The following VCAM1 variants were observed in gnomAD, a reference collection of about 807,000 sequenced individuals.
VCAM1 encodes vascular cell adhesion protein 1.
A neutral mutation model predicts 63.8 loss-of-function variants in VCAM1; 41 were observed. The ratio of observed to expected loss-of-function variants is 0.64; its 90% CI spans 0.50 to 0.83. The LOEUF is 0.83. Among genes scored for constraint, VCAM1 ranks in the 40% least tolerant of loss-of-function variants. The pLI, the probability that VCAM1 is intolerant of heterozygous loss-of-function variation, is 0.00. For synonymous variants in VCAM1, 338 were observed against 320.7 expected (o/e 1.05, Z -0.58); for missense variants, 798 against 875.5 (o/e 0.91, Z 1.12).
chr1:100,720,035 C>G (rs1659903253), intron 1 of VCAM1, 111 bp downstream of exon 1: 8 of 1,184,494 alleles, frequency 6.8e-6, no homozygotes, highest in Non-Finnish European at 8.4e-6. Flanking sequence ...GGATTTTAAA[C>G]AGTAGGAAAA....
intron 7 of VCAM1, among the ~76,000 whole-genome samples, chr1:100,733,241 C>T (rs1660525969): frequency 6.6e-6 from 1 of 152,128 alleles, no homozygotes; most frequent in Non-Finnish European, 1.5e-5. Flanking sequence ...GATGGAGACC[C>T]AAGATTGAGA....
Position 100,732,603 on chromosome 1 carries a change from A to G in VCAM1, c.1711A>G (p.Met571Val), listed in dbSNP as rs1306282527. 1 of 1,613,338 alleles carries G rather than the reference A, an allele frequency of 6.2e-7. No homozygotes were observed. Among genetic ancestry groups the G allele is most frequent in the African/African-American group, 1.3e-5 (1 of 74,988 alleles). The change falls in exon 7 of 9, where the codon ATG becomes GTG. Residue 571 changes from methionine to valine, a missense_variant. Physicochemically the swap from Met to Val is conservative, Grantham distance 21. Transcript: ENST00000294728. ...NATLTLISTK[M>V]EDSGVYLCEG... ...AACTCTCACCTTAATTTCTACAAAA[A>G]TGGAAGATTCTGGGGTTTATTTATG...
chr1:100,730,811 G>T (rs1557905469), intron 5 of VCAM1, among the ~76,000 whole-genome samples: 6 of 152,080 alleles, frequency 3.9e-5, no homozygotes. Context: ...AATATTAGGG[G>T]ACTAGTTTAC....
In VCAM1 at chr1:100,732,403, T is replaced by C. The variant is rs776668148; in HGVS notation, c.1526-15T>C. 5.2e-6 allele frequency: 8 copies of C among 1,535,888 alleles called. No homozygotes were observed. In the South Asian group the frequency reaches 6.3e-5, roughly 12 times the overall value. ...GCATAATAGGTCAAGCTAACAAGCG[T>C]CTCTGCCTTTTCAGTTGCCCCCAGA... On this transcript the variant is annotated splice_polypyrimidine_tract_variant and intron_variant, in intron 6 of 8. Transcript: ENST00000294728.
chr1:100,730,765 T>G (rs1660424292), intron 5 of VCAM1, among the ~76,000 whole-genome samples: 1 of 152,158 alleles, frequency 6.6e-6, no homozygotes, highest in African/African-American at 2.4e-5. Flanking sequence ...TAAGTAATAC[T>G]CATTTTACAC....
At chr1:100,725,012 T>C in intron 4 of VCAM1, 122 bp downstream of exon 4, 3 of 1,265,130 alleles carry the variant, frequency 2.4e-6, no homozygotes, top group Non-Finnish European at 3.3e-6. Context: ...CTGATTGCCA[T>C]ATCCTTTAGC....
Position 100,731,290 on chromosome 1 carries a change from C to A in VCAM1, c.1297C>A (p.Leu433Ile). ...CTGCAAGGTTCCTAGCGTGTACCCC[C>A]TTGACCGGCTGGAGATTGAATTACT... ...VSCKVPSVYP[L>I]DRLEIELLKG... Residue 433 changes from leucine (L) to isoleucine (I), a missense_variant, in exon 6 of 9, where the codon CTT (leucine) becomes ATT (isoleucine). Transcript: ENST00000294728. This position sits in a 1 kb window ranked among gnomAD's most constrained non-coding sequence, Gnocchi z 4.2. The A allele has an allele frequency of 6.2e-7, 1 of 1,613,810 alleles. No individual in the cohort carries two copies. The highest frequency in any genetic ancestry group is 8.5e-7 in the Non-Finnish European group (1 of 1,179,854).
At position 100,738,431 on chromosome 1, in the gene VCAM1, G is replaced by A; in HGVS notation, c.*148G>A. 2 of 874,362 alleles carry A rather than the reference G, an allele frequency of 2.3e-6. No homozygotes were observed. The highest frequency in any genetic ancestry group is 5.0e-5 in the South Asian group (2 of 40,360). The allele number at this position is 874,362 out of a possible 1,614,324, so 54.2% of individuals were successfully genotyped here. Reference sequence around the variant, plus strand: ...AAAGAAATGCCCATCTATGTCCCTTGCTGTGAGCAAGAAGTCAAAGTAAAA... The same window carrying A: ...AAAGAAATGCCCATCTATGTCCCTTACTGTGAGCAAGAAGTCAAAGTAAAA... On this transcript the variant is annotated 3_prime_UTR_variant, in exon 9 of 9. Coordinates refer to ENST00000294728, the MANE Select transcript of VCAM1 (RefSeq NM_001078.4).
At chr1:100,737,938 C>T (rs1274145095) in intron 8 of VCAM1, 185 bp from the exon 9 acceptor site, 34 of 585,958 alleles carry the variant, frequency 5.8e-5, no homozygotes, top group Admixed American at 4.4e-4. Flanking sequence ...CCATAGCAAC[C>T]ACCAACTGAT....
chr1:100,731,326 A>G lies in VCAM1; in HGVS notation c.1333A>G (p.Thr445Ala). The G allele has an allele frequency of 6.2e-7, 1 of 1,613,830 alleles. No individual in the cohort carries two copies. Among genetic ancestry groups the G allele is most frequent in the Non-Finnish European group, 8.5e-7 (1 of 1,179,846 alleles). Residue 445 changes from threonine to alanine, a missense_variant, in exon 6 of 9, where the codon ACT (threonine) becomes GCT (alanine). Physicochemically the swap from Thr to Ala is moderately conservative, Grantham distance 58 (BLOSUM62 0). Coordinates refer to ENST00000294728, the MANE Select transcript of VCAM1 (RefSeq NM_001078.4). The surrounding 1 kb of genome is among the most constrained non-coding windows in gnomAD (Gnocchi z 4.2). The part of the protein sequence containing the change: ...RLEIELLKGE[T>A]ILENIEFLED... The stretch of plus-strand genomic sequence containing the variant: ...GGAGATTGAATTACTTAAGGGGGAG[A>G]CTATTCTGGAGAATATAGAGTTTTT...
intron 2 of VCAM1, among the ~76,000 whole-genome samples, chr1:100,722,077 T>C (rs904342651): frequency 1.2e-4 from 18 of 152,122 alleles, no homozygotes; most frequent in Non-Finnish European, 2.2e-4. Flanking sequence ...TTCTGTCTCC[T>C]TTCCGCATTT....
intron 8 of VCAM1, chr1:100,735,785 G>A (rs1660628057): frequency 6.6e-6 from 1 of 152,174 alleles, no homozygotes; most frequent in Admixed American, 6.5e-5. Context: ...AAAACATCAC[G>A]ATTATATATG....
At position 100,719,795 on chromosome 1, in the gene VCAM1, A is replaced by C; in HGVS notation, c.-66A>C. On this transcript the variant is annotated 5_prime_UTR_variant, in exon 1 of 9. Coordinates refer to ENST00000294728, the MANE Select transcript of VCAM1 (RefSeq NM_001078.4). ...TCAGGAGCTGAATACCCTCCCAGGC[A>C]CACACAGGTGGGACACAAATAAGGG... 1 of 1,553,888 alleles carries C rather than the reference A, an allele frequency of 6.4e-7. No homozygotes were observed. Among genetic ancestry groups the C allele is most frequent in the Non-Finnish European group, 8.8e-7 (1 of 1,134,236 alleles).
chr1:100,720,563 G>C lies in VCAM1; in HGVS notation c.152G>C (p.Gly51Ala). 1 of 1,613,274 alleles carries C rather than the reference G, an allele frequency of 6.2e-7. No individual in the cohort carries two copies. The highest frequency in any genetic ancestry group is 8.5e-7 in the Non-Finnish European group (1 of 1,179,532). Residue 51 changes from glycine (G) to alanine (A), a missense_variant, in exon 2 of 9, where the codon GGC becomes GCC. Transcript: ENST00000294728. The stretch of plus-strand genomic sequence containing the variant: ...GTCTCATTGACTTGCAGCACCACAG[G>C]CTGTGAGTCCCCATTTTTCTCTTGG... The part of the protein sequence containing the change: ...DSVSLTCSTT[G>A]CESPFFSWRT...
chr1:100,734,200 A>T (rs140139742), intron 7 of VCAM1, among the ~76,000 whole-genome samples: 1 of 152,322 alleles, frequency 6.6e-6, no homozygotes, highest in African/African-American at 2.4e-5. Flanking sequence ...TTACAATTCA[A>T]GTTGAGACCT....
chr1:100,728,402 T>A (rs1660257247), intron 4 of VCAM1, among the ~76,000 whole-genome samples: 1 of 152,112 alleles, frequency 6.6e-6, no homozygotes, highest in African/African-American at 2.4e-5. Flanking sequence ...GTGGGCATTA[T>A]ATCTAATTAG....
At chr1:100,732,887 A>T (rs1265802696) in intron 7 of VCAM1, among the ~76,000 whole-genome samples, 1 of 152,162 alleles carries the variant, frequency 6.6e-6, no homozygotes, top group Non-Finnish European at 1.5e-5. Flanking sequence ...TTATCCTGAG[A>T]TTCTTTTAAA....
At chr1:100,722,951 T>C in intron 2 of VCAM1, 69 bp from the exon 3 acceptor site, 1 of 1,475,116 alleles carries the variant, frequency 6.8e-7, no homozygotes, top group Non-Finnish European at 9.0e-7. Flanking sequence ...TTGTATTGTG[T>C]TAAAGTGGTA....
Position 100,734,598 on chromosome 1 carries a change from A to C in VCAM1, c.1889A>C (p.Glu630Ala). 1 of 1,613,968 alleles carries C rather than the reference A, an allele frequency of 6.2e-7. No homozygotes were observed. The highest frequency in any genetic ancestry group is 8.5e-7 in the Non-Finnish European group (1 of 1,179,900). ...IISCTCGNVP[E>A]TWIILKKKAE... ...TCTTGTACATGTGGAAATGTTCCAG[A>C]AACATGGATAATCCTGAAGAAAAAA... Residue 630 changes from glutamate to alanine, a missense_variant, in exon 8 of 9, where the codon GAA (glutamate) becomes GCA (alanine). Transcript: ENST00000294728.
Sources: allele counts gnomAD v4.1 joint callset (sites outside exome capture counted in the v4.1 genomes callset), GRCh38; gene constraint gnomAD v4.1.1; non-coding constraint Gnocchi (gnomAD v3.1); transcripts MANE v1.5; gene names NCBI Gene and HGNC (gene_info 2026-07-23, HGNC 2026-07-21).